GLYATL2: variants seen among roughly 807,000 people sequenced by gnomAD.
GLYATL2 encodes glycine N-acyltransferase-like protein 2.
GLYATL2 carries 25 observed loss-of-function variants against 21.4 expected under a neutral mutation model. The observed-to-expected ratio is 1.17, with a 90% CI of 0.85 to 1.63. GLYATL2 has a LOEUF of 1.63. Ranked by LOEUF, GLYATL2 falls within the 40% of genes most tolerant of loss-of-function variation. The probability of loss-of-function intolerance (pLI) is 0.00; values close to 1 mark genes in which losing one functional copy is unlikely to be tolerated. For synonymous variants in GLYATL2, 114 were observed against 118.2 expected (o/e 0.96, Z 0.23); for missense variants, 361 against 343.3 (o/e 1.05, Z -0.41).
intron 5 of GLYATL2, 48 bp downstream of exon 5, chr11:58,836,967 C>G: frequency 6.5e-7 from 1 of 1,539,306 alleles, no homozygotes; most frequent in South Asian, 1.2e-5. Flanking sequence ...TTTGTGGCAA[C>G]TCAGTAATTC....
intron 1 of GLYATL2, among the ~76,000 whole-genome samples, chr11:58,866,491 C>G (rs1854025600): frequency 6.7e-6 from 1 of 148,770 alleles, no homozygotes; most frequent in Middle Eastern, 3.2e-3. Context: ...CACCAAAGCT[C>G]CTGAATTAAG....
Position 58,899,451 on chromosome 11 carries a change from G to C in GLYATL2, n.60+4705C>G, listed in dbSNP as rs138999844. On this transcript the variant is annotated intron_variant and non_coding_transcript_variant, in intron 1 of 4. Transcript: ENST00000533636. ...AGTAAACATATTTCCTATAAACTCA[G>C]GTGTAGTATATGAAAAACAACACAT... Among the ~76,000 whole-genome samples, 16 of 152,128 alleles carry C rather than the reference G, an allele frequency of 1.1e-4. No individual in the cohort carries two copies. In the East Asian group the frequency reaches 3.1e-3, roughly 29 times the overall value.
upstream of GLYATL2, chr11:58,908,212 T>A (rs1428310193): frequency 1.3e-5 from 2 of 152,160 alleles, no homozygotes; most frequent in Non-Finnish European, 2.9e-5. Context: ...GTTCTGCCTG[T>A]TTCCCCTCCC....
At chr11:58,907,105 A>G (rs976952921), upstream of GLYATL2, 17 of 332,176 alleles carry the variant, frequency 5.1e-5, no homozygotes, top group African/African-American at 3.2e-4. Context: ...TTACACCATA[A>G]TAGTTTTAGG....
intron 1 of GLYATL2, chr11:58,892,176 A>T (rs1242698307): frequency 6.1e-6 from 1 of 164,406 alleles, no homozygotes; most frequent in African/African-American, 2.4e-5. Context: ...GGTGAAGAAA[A>T]AGTTCAAGGG....
intron 1 of GLYATL2, among the ~76,000 whole-genome samples, chr11:58,897,642 T>A (rs1590755342): frequency 6.6e-6 from 1 of 152,146 alleles, no homozygotes; most frequent in Admixed American, 6.5e-5. Context: ...TTATTCTAAA[T>A]CTTGATCTCC....
chr11:58,896,118 G>C (rs905481120), intron 1 of GLYATL2, among the ~76,000 whole-genome samples: 1 of 152,110 alleles, frequency 6.6e-6, no homozygotes, highest in African/African-American at 2.4e-5. Flanking sequence ...GCCTCCGAAA[G>C]TGCGAGTATT....
At chr11:58,862,115 T>C (rs1171687892) in intron 1 of GLYATL2, among the ~76,000 whole-genome samples, 1 of 152,186 alleles carries the variant, frequency 6.6e-6, no homozygotes. Flanking sequence ...TGTTTTTGTA[T>C]AGAACATTGA....
intron 1 of GLYATL2, among the ~76,000 whole-genome samples, chr11:58,869,339 C>T (rs1414916967): frequency 3.9e-5 from 6 of 152,098 alleles, no homozygotes; most frequent in African/African-American, 9.7e-5. Context: ...TAAGCAGGGT[C>T]GGGCCAGGTT....
At chr11:58,895,040 A>G (rs1364899362) in intron 1 of GLYATL2, among the ~76,000 whole-genome samples, 1 of 152,228 alleles carries the variant, frequency 6.6e-6, no homozygotes, top group Non-Finnish European at 1.5e-5. Context: ...CAGGTCCTGT[A>G]TCCAGAAGAG....
At position 58,882,366 on chromosome 11, in the gene GLYATL2, G is replaced by A. The variant is rs146138450; in HGVS notation, n.60+21790C>T. 3.4e-3 allele frequency among the ~76,000 whole-genome samples: 516 copies of A among 152,294 alleles called. 2 individuals are homozygous for A. Among genetic ancestry groups the A allele is most frequent in the Non-Finnish European group, 3.7e-3 (249 of 68,030 alleles). On this transcript the variant is annotated intron_variant and non_coding_transcript_variant, in intron 1 of 4. Transcript: ENST00000533636. ...GCATTTTTTCATGTGTCTGTTGGCTGCATAAATGTCTTCTTTTGAGAAGTG... is the reference window on the plus strand; with the variant it reads ...GCATTTTTTCATGTGTCTGTTGGCTACATAAATGTCTTCTTTTGAGAAGTG...
At chr11:58,905,713 GACCGGGAT>G, upstream of GLYATL2, 5 of 424,218 alleles carry the variant, frequency 1.2e-5, no homozygotes, top group Non-Finnish European at 1.9e-5. Flanking sequence ...GGATCGCTGG[GACCGGGAT>G]GGGTCATCTG....
At chr11:58,896,009 C>T (rs893653143) in intron 1 of GLYATL2, among the ~76,000 whole-genome samples, 1 of 152,092 alleles carries the variant, frequency 6.6e-6, no homozygotes, top group South Asian at 2.1e-4. Context: ...CCCACCACCA[C>T]GCCTGGCTAA....
chr11:58,886,601 A>G (rs1854445148), intron 1 of GLYATL2, among the ~76,000 whole-genome samples: 1 of 152,248 alleles, frequency 6.6e-6, no homozygotes, highest in African/African-American at 2.4e-5. Context: ...AGTACATAGC[A>G]CATAATTTTA....
At chr11:58,870,587 A>G (rs1854100348) in intron 1 of GLYATL2, among the ~76,000 whole-genome samples, 1 of 152,198 alleles carries the variant, frequency 6.6e-6, no homozygotes, top group Non-Finnish European at 1.5e-5. Context: ...TGAAGCATCT[A>G]AAAGTTTACC....
chr11:58,837,608 C>A (rs1853462964), intron 3 of GLYATL2, among the ~76,000 whole-genome samples: 1 of 152,100 alleles, frequency 6.6e-6, no homozygotes, highest in Non-Finnish European at 1.5e-5. Context: ...GTGAGCTGCC[C>A]TTGAGAGGGT....
intron 1 of GLYATL2, among the ~76,000 whole-genome samples, chr11:58,879,600 T>G (rs1854295853): frequency 6.6e-6 from 1 of 152,294 alleles, no homozygotes. Flanking sequence ...ATTATAGGAT[T>G]CCATTTATAT....
At chr11:58,905,581 A>G (rs1457225137), upstream of GLYATL2, 1 of 456,148 alleles carries the variant, frequency 2.2e-6, no homozygotes, top group East Asian at 7.0e-5. Context: ...CTGCCGCGCA[A>G]CCCCTCCTTG....
chr11:58,872,157 T>G (rs1385803127), intron 1 of GLYATL2, among the ~76,000 whole-genome samples: 1 of 152,226 alleles, frequency 6.6e-6, no homozygotes, highest in Non-Finnish European at 1.5e-5. Flanking sequence ...TAAATTTGTT[T>G]GAGTTCATTG....
Sources: allele counts gnomAD v4.1 joint callset (sites outside exome capture counted in the v4.1 genomes callset), GRCh38; gene constraint gnomAD v4.1.1; transcripts MANE v1.5; gene names NCBI Gene and HGNC (gene_info 2026-07-23, HGNC 2026-07-21).